IAPP: variants seen among roughly 807,000 people sequenced by gnomAD.
IAPP encodes the protein islet amyloid polypeptide.
Under a neutral mutation model 2.9 loss-of-function variants are expected in IAPP, and 4 were observed. That is an observed-to-expected ratio of 1.39 (90% CI 0.69 to 3.19). The LOEUF (loss-of-function observed/expected upper bound fraction) is 3.19, where lower values mean the gene tolerates loss of function less well. Among genes scored for constraint, IAPP ranks in the 30% most tolerant of loss-of-function variants. The pLI is 0.01. For missense variants in IAPP, 114 were observed against 105.3 expected (o/e 1.08, Z -0.36); for synonymous variants, 40 against 42.1 (o/e 0.95, Z 0.19).
chr12:21,356,532 GA>G (rs772493754), intron 1 of IAPP, among the ~76,000 whole-genome samples: 1 of 128,794 alleles, frequency 7.8e-6, no homozygotes, highest in Non-Finnish European at 1.7e-5. Flanking sequence ...AGAAAAAAAT[GA>G]GTCATGATCA....
At chr12:21,371,827 T>G (rs966147706), upstream of IAPP, among the ~76,000 whole-genome samples, 3 of 151,562 alleles carry the variant, frequency 2.0e-5, no homozygotes, top group African/African-American at 7.3e-5. Context: ...ACATAGAGAA[T>G]CCCCGTCTCC....
intron 1 of IAPP, among the ~76,000 whole-genome samples, chr12:21,357,207 T>A (rs1171140697): frequency 1.3e-5 from 2 of 152,128 alleles, no homozygotes; most frequent in East Asian, 3.9e-4. Flanking sequence ...CCAAAGTAAT[T>A]GTTAAGATGA....
intron 1 of IAPP, among the ~76,000 whole-genome samples, chr12:21,366,422 C>T (rs1939390089): frequency 6.6e-6 from 1 of 152,012 alleles, no homozygotes; most frequent in East Asian, 1.9e-4. Flanking sequence ...GGAGGGATAG[C>T]ATTAGGAGAT....
At chr12:21,365,383 T>G (rs1286203332) in intron 1 of IAPP, among the ~76,000 whole-genome samples, 3 of 152,154 alleles carry the variant, frequency 2.0e-5, no homozygotes, top group East Asian at 1.9e-4. Context: ...TTACACCTTA[T>G]ACAAAAATCA....
chr12:21,377,960 T>C (rs1222895373), intron 2 of IAPP, among the ~76,000 whole-genome samples: 2 of 152,206 alleles, frequency 1.3e-5, no homozygotes, highest in African/African-American at 4.8e-5. Context: ...ACTGTTATTT[T>C]GATTATATGT....
chr12:21,358,856 G>A (rs1016960325), intron 1 of IAPP, among the ~76,000 whole-genome samples: 1 of 152,042 alleles, frequency 6.6e-6, no homozygotes, highest in Non-Finnish European at 1.5e-5. Flanking sequence ...GAATAAACAT[G>A]TAATCTATAC....
chr12:21,371,143 T>C (rs11046005), upstream of IAPP, among the ~76,000 whole-genome samples: 67,276 of 151,988 alleles, frequency 0.44, 15,107 homozygotes, highest in Middle Eastern at 0.51. Context: ...GTGGTAGTAA[T>C]TTTTGGGTCA....
chr12:21,369,528 T>C (rs1939631687), upstream of IAPP, among the ~76,000 whole-genome samples: 1 of 152,208 alleles, frequency 6.6e-6, no homozygotes, highest in South Asian at 2.1e-4. Context: ...TCACTATCTA[T>C]AAATTAGAGC....
At chr12:21,363,395 T>A (rs11502426) in intron 1 of IAPP, among the ~76,000 whole-genome samples, 49,154 of 151,908 alleles carry the variant, frequency 0.32, 8,256 homozygotes, top group East Asian at 0.46. Context: ...CATTTAAAGC[T>A]GTATGTAGAG....
chr12:21,363,716 T>C (rs1939131068), intron 1 of IAPP, among the ~76,000 whole-genome samples: 1 of 152,032 alleles, frequency 6.6e-6, no homozygotes, highest in Admixed American at 6.6e-5. Flanking sequence ...AAAGGGGATA[T>C]CACCATCGAT....
At chr12:21,368,813 A>G (rs1267902721), upstream of IAPP, among the ~76,000 whole-genome samples, 1 of 152,184 alleles carries the variant, frequency 6.6e-6, no homozygotes, top group African/African-American at 2.4e-5. Flanking sequence ...TAATATTGAT[A>G]TAATTCAAAA....
At chr12:21,364,558 GA>G (rs1472097228) in intron 1 of IAPP, among the ~76,000 whole-genome samples, 2 of 152,042 alleles carry the variant, frequency 1.3e-5, no homozygotes, top group Admixed American at 1.3e-4. Context: ...GGCAATCAGG[GA>G]AGAGAAAGAA....
chr12:21,378,572 T>G lies in IAPP; in HGVS notation c.*146T>G. On this transcript the variant is annotated 3_prime_UTR_variant, in exon 3 of 3. Transcript: ENST00000240652. ...ACATATACCTTCTCAAAAGATTGTT[T>G]TATATGTAGTACTAACTAAGGTCCC... The G allele has an allele frequency of 1.5e-6, 1 of 664,246 alleles. No individual in the cohort carries two copies. The highest frequency in any genetic ancestry group is 2.7e-6 in the Non-Finnish European group (1 of 375,876). 41.1% of individuals were successfully genotyped at this position (664,246 alleles called of 1,614,324 possible). A position where few individuals can be genotyped will look rare whatever the true frequency, so the allele number is the denominator to read the frequency against.
intron 2 of IAPP, 76 bp from the exon 3 acceptor site, chr12:21,378,161 G>GC (rs1237630047): frequency 2.3e-6 from 3 of 1,314,436 alleles, no homozygotes; most frequent in Non-Finnish European, 3.3e-6. Flanking sequence ...ATCAATACAA[G>GC]ATATTTGATG....
chr12:21,358,240 G>A lies in IAPP; in HGVS notation c.-16+3227G>A, dbSNP rs567356821. On this transcript the variant is annotated intron_variant, in intron 1 of 2. Coordinates refer to the IAPP transcript ENST00000539393. ...GAATCTGTGATACAAAGAGATGAAA[G>A]TATGCTGGAAAAAATCATTAAGCTT... Among the ~76,000 whole-genome samples, 140 of 152,280 alleles carry A rather than the reference G, an allele frequency of 9.2e-4. 1 individual carries two copies. Among genetic ancestry groups the A allele is most frequent in the African/African-American group, 3.1e-3 (130 of 41,556 alleles).
upstream of IAPP, among the ~76,000 whole-genome samples, chr12:21,369,558 G>A (rs1286714602): frequency 4.6e-5 from 7 of 152,194 alleles, no homozygotes; most frequent in African/African-American, 1.7e-4. Flanking sequence ...CCACCGTAGA[G>A]GTGTGAAGAT....
chr12:21,378,338 C>G lies in IAPP; in HGVS notation c.182C>G (p.Ser61Ter). 1 of 1,614,148 alleles carries G rather than the reference C, an allele frequency of 6.2e-7. No homozygotes were observed. The highest frequency in any genetic ancestry group is 8.5e-7 in the Non-Finnish European group (1 of 1,179,958). ...HSSNNFGAIL[S>*]STNVGSNTYG... is the part of the protein sequence containing the mutation. Reference sequence around the variant, plus strand: ...AGCAACAACTTTGGTGCCATTCTCTCATCTACCAACGTGGGATCCAATACA... The same window carrying G: ...AGCAACAACTTTGGTGCCATTCTCTGATCTACCAACGTGGGATCCAATACA... Residue 61 changes from serine to a stop codon, truncating the protein, a stop_gained, in exon 3 of 3, where the codon TCA becomes TGA. Coordinates refer to ENST00000240652, the MANE Select transcript of IAPP (RefSeq NM_000415.3). LOFTEE classifies it low-confidence loss of function (END_TRUNC).
At chr12:21,377,697 T>C (rs745808624) in intron 2 of IAPP, among the ~76,000 whole-genome samples, 1 of 152,210 alleles carries the variant, frequency 6.6e-6, no homozygotes, top group Non-Finnish European at 1.5e-5. Flanking sequence ...CTCAACCTAA[T>C]GTCCTCAAGG....
At chr12:21,359,022 C>G (rs1050412872) in intron 1 of IAPP, among the ~76,000 whole-genome samples, 6 of 152,148 alleles carry the variant, frequency 3.9e-5, no homozygotes, top group Non-Finnish European at 5.9e-5. Context: ...CTATGCTTAG[C>G]TAAGACAGCA....
Sources: allele counts gnomAD v4.1 joint callset (sites outside exome capture counted in the v4.1 genomes callset), GRCh38; gene constraint gnomAD v4.1.1; transcripts MANE v1.5; gene names NCBI Gene and HGNC (gene_info 2026-07-23, HGNC 2026-07-21).